The following FBXO42 variants were observed in gnomAD, a reference collection of about 807,000 sequenced individuals.
FBXO42 encodes F-box protein 42, also known as F-box only protein 42.
In FBXO42, 12 loss-of-function variants were observed where a neutral mutation model predicts 71.7. That is an observed-to-expected ratio of 0.17 (90% confidence interval 0.11 to 0.27). The LOEUF is 0.27. FBXO42 is among the 10% of genes least tolerant of loss of function. FBXO42 has a pLI of 1.00. For missense variants in FBXO42, 707 were observed against 911.9 expected (o/e 0.78, Z 2.89); for synonymous variants, 325 against 327.5 (o/e 0.99, Z 0.08).
At chr1:16,323,166 C>A (rs189533993) in intron 1 of FBXO42, among the ~76,000 whole-genome samples, 61 of 152,266 alleles carry the variant, frequency 4.0e-4, no homozygotes, top group African/African-American at 1.5e-3. Flanking sequence ...CGCCTGTAAT[C>A]CCAGCACTTT....
chr1:16,333,437 C>CA (rs1491163766), intron 1 of FBXO42, among the ~76,000 whole-genome samples: 3 of 26,134 alleles, frequency 1.1e-4, no homozygotes, highest in Non-Finnish European at 3.4e-4. Context: ...AATAGTGAGA[C>CA]CCCCCCCCCC....
chr1:16,295,692 C>T (rs1364263799), intron 3 of FBXO42, among the ~76,000 whole-genome samples: 1 of 152,082 alleles, frequency 6.6e-6, no homozygotes, highest in Non-Finnish European at 1.5e-5. Flanking sequence ...CATGCCCGGC[C>T]AATAAATGAA....
chr1:16,351,782 T>TATTAAATAAAA (rs1167604260), intron 1 of FBXO42, among the ~76,000 whole-genome samples: 2 of 152,190 alleles, frequency 1.3e-5, no homozygotes, highest in Non-Finnish European at 2.9e-5. Context: ...AGGCCTTTTG[T>TATTAAATAAAA]GTTTTATTTA....
At chr1:16,328,734 C>T (rs895528593) in intron 1 of FBXO42, among the ~76,000 whole-genome samples, 8 of 152,136 alleles carry the variant, frequency 5.3e-5, no homozygotes, top group African/African-American at 1.9e-4. Context: ...CTTTCTAATA[C>T]CGTTCTCCAA....
At chr1:16,280,793 A>C (rs1266395115) in intron 4 of FBXO42, among the ~76,000 whole-genome samples, 1 of 152,136 alleles carries the variant, frequency 6.6e-6, no homozygotes, top group African/African-American at 2.4e-5. Context: ...AAACAAAAGA[A>C]AAGAAGAACG....
chr1:16,260,896 GTCTC>G (rs367882080), intron 4 of FBXO42, among the ~76,000 whole-genome samples: 8 of 151,872 alleles, frequency 5.3e-5, no homozygotes, highest in Admixed American at 1.3e-4. Flanking sequence ...AGAGATGGGG[GTCTC>G]TCTGTGTTGC....
intron 5 of FBXO42, 91 bp from the exon 6 acceptor site, chr1:16,255,912 C>T (rs1215064291): frequency 5.9e-6 from 5 of 840,408 alleles, no homozygotes; most frequent in Non-Finnish European, 9.3e-6. Context: ...AATGATAATC[C>T]TATCACTTTC....
rs573564419 is a variant in FBXO42 at position 16,307,969 on chromosome 1, G to A, written c.251-2050C>T. Among the ~76,000 whole-genome samples, 4 of 152,250 alleles carry A rather than the reference G, an allele frequency of 2.6e-5. No homozygotes were observed. The South Asian group carries it at 8.3e-4, about 32-fold the overall frequency. On this transcript the variant is annotated intron_variant, in intron 2 of 9. Coordinates refer to ENST00000375592, the MANE Select transcript of FBXO42 (RefSeq NM_018994.3). ...TTTATGTGGAGAAGCACAAGACCCA[G>A]AATAGCCAAGAAAACATGGAAGGAG...
chr1:16,300,893 C>CT (rs34549210), intron 3 of FBXO42, among the ~76,000 whole-genome samples: 6,918 of 100,830 alleles, frequency 0.069, 555 homozygotes, highest in African/African-American at 0.18. Context: ...TAGAATTGGC[C>CT]TTTTTTTTTT....
chr1:16,349,590 G>A (rs2082681315), intron 1 of FBXO42, among the ~76,000 whole-genome samples: 1 of 152,262 alleles, frequency 6.6e-6, no homozygotes, highest in Non-Finnish European at 1.5e-5. Flanking sequence ...GCCGGGCGCA[G>A]TGGCTCAAGC....
chr1:16,308,763 GAGA>G (rs1421115726), intron 2 of FBXO42, among the ~76,000 whole-genome samples: 42 of 15,112 alleles, frequency 2.8e-3, no homozygotes, highest in Admixed American at 0.019. Flanking sequence ...TTTTTTTTTT[GAGA>G]AGGAGTCTCA....
intron 2 of FBXO42, among the ~76,000 whole-genome samples, chr1:16,306,707 A>AT (rs200691798): frequency 1.3e-5 from 2 of 151,750 alleles, no homozygotes; most frequent in Admixed American, 6.6e-5. Context: ...TTGTTTATTT[A>AT]TTTTTTTCTT....
chr1:16,300,164 G>T (rs956922772), intron 3 of FBXO42, among the ~76,000 whole-genome samples: 36 of 152,098 alleles, frequency 2.4e-4, no homozygotes, highest in African/African-American at 8.2e-4. Context: ...TTTCCTTTCA[G>T]AACATCTAGA....
intron 4 of FBXO42, among the ~76,000 whole-genome samples, chr1:16,262,251 G>A (rs80036172): frequency 0.024 from 3,630 of 152,176 alleles, 140 homozygotes; most frequent in African/African-American, 0.082. Flanking sequence ...TTTAACTCCT[G>A]AGCTCAAGCA....
chr1:16,299,658 T>A (rs569092519), intron 3 of FBXO42, among the ~76,000 whole-genome samples: 68 of 152,206 alleles, frequency 4.5e-4, no homozygotes, highest in South Asian at 1.7e-3. Context: ...TATTATTATT[T>A]TTTTGAGATG....
rs771031066 is a variant in FBXO42 at position 16,251,398 on chromosome 1, G to C, written c.1426C>G (p.Leu476Val). The change falls in exon 10 of 10, where the codon CTG (leucine) becomes GTG (valine). Residue 476 changes from leucine (L) to valine (V), a missense_variant. This residue lies in a region of FBXO42 where 482 missense variants were observed against 587.1 expected (regional missense o/e 0.82). Coordinates refer to ENST00000375592, the MANE Select transcript of FBXO42 (RefSeq NM_018994.3). This position sits in a 1 kb window ranked among gnomAD's most constrained non-coding sequence, Gnocchi z 4.5. ...STPSAPEGYD[L>V]KIGLSLAPRR... ...GGGGCCAAAGAAAGTCCTATTTTCA[G>C]GTCGTATCCTTCAGGAGCAGATGGA... 3.1e-6 allele frequency: 5 copies of C among 1,614,116 alleles called. No individual in the cohort carries two copies. Among genetic ancestry groups the C allele is most frequent in the Non-Finnish European group, 3.4e-6 (4 of 1,179,980 alleles).
intron 2 of FBXO42, among the ~76,000 whole-genome samples, chr1:16,306,477 G>C (rs1187148640): frequency 6.6e-6 from 1 of 151,508 alleles, no homozygotes; most frequent in African/African-American, 2.4e-5. Flanking sequence ...TGTAACTCTA[G>C]TCCCTTTTAT....
intron 1 of FBXO42, among the ~76,000 whole-genome samples, chr1:16,341,947 G>A (rs1414689183): frequency 2.0e-5 from 3 of 149,634 alleles, no homozygotes; most frequent in Non-Finnish European, 4.4e-5. Context: ...CTCAAGCCTG[G>A]GCAACAAGAG....
At chr1:16,285,568 A>G (rs1396287955) in intron 4 of FBXO42, among the ~76,000 whole-genome samples, 2 of 151,960 alleles carry the variant, frequency 1.3e-5, no homozygotes, top group African/African-American at 2.4e-5. Context: ...CACCATGCCC[A>G]TCCTGTCTTC....
Sources: allele counts gnomAD v4.1 joint callset (sites outside exome capture counted in the v4.1 genomes callset), GRCh38; gene constraint gnomAD v4.1.1; regional missense constraint gnomAD v4.1.1; non-coding constraint Gnocchi (gnomAD v3.1); transcripts MANE v1.5; gene names NCBI Gene and HGNC (gene_info 2026-07-23, HGNC 2026-07-21).